ZNF423: variants seen among roughly 807,000 people sequenced by gnomAD.
The protein encoded by ZNF423 is zinc finger protein 423.
ZNF423 carries 12 observed loss-of-function variants against 95.8 expected under a neutral mutation model. The ratio of observed to expected loss-of-function variants is 0.13; its 90% confidence interval spans 0.08 to 0.20. The LOEUF is 0.20. Among genes scored for constraint, ZNF423 ranks in the 10% least tolerant of loss-of-function variants. The probability of loss-of-function intolerance (pLI) is 1.00; values close to 1 mark genes in which losing one functional copy is unlikely to be tolerated. For synonymous variants in ZNF423, 749 were observed against 711.9 expected, an observed-to-expected ratio of 1.05 and a Z score of -0.83; for missense variants, 1,316 against 1,737.1, an observed-to-expected ratio of 0.76 and a Z score of 4.31.
At chr16:49,819,641 G>A (rs1290664578) in intron 1 of ZNF423, among the ~76,000 whole-genome samples, 1 of 152,210 alleles carries the variant, frequency 6.6e-6, no homozygotes, top group East Asian at 1.9e-4. Flanking sequence ...TAGAGACAGT[G>A]TTTCACCATG....
chr16:49,686,613 T>A, intron 3 of ZNF423, among the ~76,000 whole-genome samples: 1 of 152,006 alleles, frequency 6.6e-6, no homozygotes. Context: ...GCCTGGACGC[T>A]CCAATCACCC....
At position 49,489,840 on chromosome 16, in the gene ZNF423, G is replaced by C. The variant is rs1966898020; in HGVS notation, c.*1435C>G. 6.6e-6 allele frequency: 1 copy of C among 152,598 alleles called. No individual in the cohort carries two copies. Among genetic ancestry groups the C allele is most frequent in the Non-Finnish European group, 1.5e-5 (1 of 68,186 alleles). 9.5% of individuals were successfully genotyped at this position (152,598 alleles called of 1,614,324 possible). On this transcript the variant is annotated 3_prime_UTR_variant, in exon 8 of 8. Coordinates refer to ENST00000563137, the MANE Select transcript of ZNF423 (RefSeq NM_001379286.1). ...AGCTGAGCACCAGCATGATGGAGGT[G>C]TGGGAGGTAACATGGAGGAGGCCTG...
intron 3 of ZNF423, among the ~76,000 whole-genome samples, chr16:49,650,012 A>C (rs960870409): frequency 1.3e-5 from 2 of 152,244 alleles, no homozygotes; most frequent in Admixed American, 1.3e-4. Flanking sequence ...AAGCAAGGAA[A>C]AGTAGGGATC....
At chr16:49,663,496 A>G (rs2030359665) in intron 3 of ZNF423, among the ~76,000 whole-genome samples, 1 of 151,956 alleles carries the variant, frequency 6.6e-6, no homozygotes. Context: ...CGCCCCTGTG[A>G]CTGGAGAGGG....
At chr16:49,639,039 G>A (rs911228468) in intron 3 of ZNF423, among the ~76,000 whole-genome samples, 165 bp from the exon 4 acceptor site, 2 of 152,220 alleles carry the variant, frequency 1.3e-5, no homozygotes, top group Non-Finnish European at 2.9e-5. Flanking sequence ...GGACACCAGG[G>A]CCTTCCTGTC....
intron 3 of ZNF423, among the ~76,000 whole-genome samples, chr16:49,650,061 T>C (rs1327367327): frequency 6.6e-6 from 1 of 152,262 alleles, no homozygotes; most frequent in Non-Finnish European, 1.5e-5. Flanking sequence ...CAGAGGTCAC[T>C]GGACATCTCA....
At chr16:49,529,753 C>T (rs1042848085) in intron 5 of ZNF423, among the ~76,000 whole-genome samples, 1 of 152,154 alleles carries the variant, frequency 6.6e-6, no homozygotes, top group Non-Finnish European at 1.5e-5. Flanking sequence ...CCTGGGCACA[C>T]ATTCGGAGGC....
At chr16:49,563,063 A>T (rs1970069030) in intron 5 of ZNF423, among the ~76,000 whole-genome samples, 1 of 151,866 alleles carries the variant, frequency 6.6e-6, no homozygotes, top group South Asian at 2.1e-4. Flanking sequence ...AATTACAGGC[A>T]TGAGCCACCG....
chr16:49,504,941 G>C (rs1028611741), intron 7 of ZNF423, among the ~76,000 whole-genome samples: 1 of 152,188 alleles, frequency 6.6e-6, no homozygotes, highest in East Asian at 1.9e-4. Flanking sequence ...CAGCAAAGGG[G>C]GCCCTGATGG....
intron 1 of ZNF423, among the ~76,000 whole-genome samples, chr16:49,830,297 G>A (rs946698779): frequency 6.6e-6 from 1 of 152,144 alleles, no homozygotes; most frequent in African/African-American, 2.4e-5. Context: ...GAGGCCGGGG[G>A]ACTGATGAGA....
intron 5 of ZNF423, among the ~76,000 whole-genome samples, chr16:49,613,632 A>G (rs1971791799): frequency 6.6e-6 from 1 of 152,206 alleles, no homozygotes; most frequent in South Asian, 2.1e-4. Flanking sequence ...TGAGCCCAAG[A>G]GTTCAAGGCT....
intron 5 of ZNF423, among the ~76,000 whole-genome samples, chr16:49,616,596 AAT>A (rs997890304): frequency 6.6e-6 from 1 of 152,174 alleles, no homozygotes; most frequent in Non-Finnish European, 1.5e-5. Flanking sequence ...GTACTCCATA[AAT>A]ATATACACCT....
intron 3 of ZNF423, among the ~76,000 whole-genome samples, chr16:49,643,591 T>C (rs576896290): frequency 5.1e-5 from 6 of 118,336 alleles, no homozygotes; most frequent in South Asian, 2.8e-4. Context: ...CATGAGAAAA[T>C]CAAGTGGGAA....
intron 3 of ZNF423, among the ~76,000 whole-genome samples, chr16:49,654,874 C>A (rs962119824): frequency 6.6e-6 from 1 of 152,206 alleles, no homozygotes; most frequent in Non-Finnish European, 1.5e-5. Context: ...CAGCTCATGT[C>A]TGGAATAGTG....
chr16:49,632,152 C>G (rs755026928), intron 4 of ZNF423, among the ~76,000 whole-genome samples: 1 of 152,162 alleles, frequency 6.6e-6, no homozygotes, highest in Non-Finnish European at 1.5e-5. Context: ...GTGCTGGTCT[C>G]GAGTTGGGGT....
intron 3 of ZNF423, among the ~76,000 whole-genome samples, chr16:49,697,116 C>T (rs1266403280): frequency 6.6e-6 from 1 of 152,154 alleles, no homozygotes; most frequent in Non-Finnish European, 1.5e-5. Flanking sequence ...GGGCTCAGGA[C>T]CTTGCTTCCA....
rs1567336028 is a variant in ZNF423 at position 49,772,128 on chromosome 16, T to TCC, written c.100+17357_100+17358dup. ...GCCGATGCTGCAGTTCATGTCCAAA[T>TCC]CCCAAGGCCTGAAACCCAGGGGAGC... On this transcript the variant is annotated intron_variant, in intron 2 of 7. Coordinates refer to ENST00000563137, the MANE Select transcript of ZNF423 (RefSeq NM_001379286.1). Among the ~76,000 whole-genome samples, 8 of 152,222 alleles carry TCC rather than the reference T, an allele frequency of 5.3e-5. No individual in the cohort carries two copies. The South Asian group carries it at 1.7e-3, about 32-fold the overall frequency.
At chr16:49,810,796 C>T (rs2034738392) in intron 1 of ZNF423, among the ~76,000 whole-genome samples, 1 of 152,188 alleles carries the variant, frequency 6.6e-6, no homozygotes, top group Admixed American at 6.5e-5. Flanking sequence ...TCGGCCCTAC[C>T]GGACACTTTC....
chr16:49,854,783 G>C (rs1198473078), intron 1 of ZNF423: 1 of 985,284 alleles, frequency 1.0e-6, no homozygotes, highest in Admixed American at 6.1e-5. Flanking sequence ...CTCGAGCTGG[G>C]GGCCCTCGCT....
Sources: allele counts gnomAD v4.1 joint callset (sites outside exome capture counted in the v4.1 genomes callset), GRCh38; gene constraint gnomAD v4.1.1; transcripts MANE v1.5; gene names NCBI Gene and HGNC (gene_info 2026-07-23, HGNC 2026-07-21).